Variants in LINGO2 observed in about 807,000 individuals in gnomAD.
The protein encoded by LINGO2 is leucine rich repeat and Ig domain containing 2, also known as leucine-rich repeat and immunoglobulin-like domain-containing nogo receptor-interacting protein 2.
Under a neutral mutation model 30.6 loss-of-function variants are expected in LINGO2, and 14 were observed. The ratio of observed to expected loss-of-function variants is 0.46; its 90% CI spans 0.30 to 0.72. The LOEUF (loss-of-function observed/expected upper bound fraction) is 0.72. Among genes scored for constraint, LINGO2 ranks in the 30% least tolerant of loss-of-function variants. The pLI, the probability that LINGO2 is intolerant of heterozygous loss-of-function variation, is 0.07. For synonymous variants in LINGO2, 317 were observed against 288.5 expected (o/e 1.10, Z -1.00); for missense variants, 729 against 751.7 (o/e 0.97, Z 0.35).
chr9:28,467,046 G>GGA (rs1554724268), intron 2 of LINGO2, among the ~76,000 whole-genome samples: 1 of 149,458 alleles, frequency 6.7e-6, no homozygotes, highest in Admixed American at 6.7e-5. Flanking sequence ...GGGGGGGGGG[G>GGA]ACGGAGTCTC....
intron 3 of LINGO2, among the ~76,000 whole-genome samples, chr9:28,363,206 GC>G (rs1820523589): frequency 6.6e-6 from 1 of 152,168 alleles, no homozygotes; most frequent in African/African-American, 2.4e-5. Context: ...TGGGATTCAA[GC>G]CCAGATTGTT....
the LINGO2 span, among the ~76,000 whole-genome samples, chr9:28,726,068 T>C: frequency 2.0e-5 from 3 of 152,142 alleles, no homozygotes; most frequent in Non-Finnish European, 2.9e-5. Context: ...ACTAGCATTT[T>C]CTAAGCTAAA....
At chr9:28,768,625 C>CAG in the LINGO2 span, among the ~76,000 whole-genome samples, 1 of 151,026 alleles carries the variant, frequency 6.6e-6, no homozygotes, top group Non-Finnish European at 1.5e-5. Flanking sequence ...CACACACACA[C>CAG]ACACACACAC....
the LINGO2 span, among the ~76,000 whole-genome samples, chr9:29,100,300 T>G: frequency 6.6e-6 from 1 of 152,072 alleles, no homozygotes; most frequent in South Asian, 2.1e-4. Context: ...GGGGGATGGT[T>G]AATAGCTACA....
intron 1 of LINGO2, among the ~76,000 whole-genome samples, chr9:28,606,597 T>G (rs1196165731): frequency 6.6e-6 from 1 of 152,086 alleles, no homozygotes; most frequent in Non-Finnish European, 1.5e-5. Flanking sequence ...TACAATCAAT[T>G]GACCTTAACT....
chr9:28,931,686 G>A, the LINGO2 span, among the ~76,000 whole-genome samples: 1 of 152,154 alleles, frequency 6.6e-6, no homozygotes, highest in Admixed American at 6.5e-5. Context: ...CTTAGGTTGA[G>A]GAAACATAGG....
At chr9:28,363,998 G>A (rs1175620593) in intron 3 of LINGO2, among the ~76,000 whole-genome samples, 2 of 151,186 alleles carry the variant, frequency 1.3e-5, no homozygotes, top group Admixed American at 6.6e-5. Context: ...AAAAGATGAT[G>A]TATTTTCTGT....
the LINGO2 span, among the ~76,000 whole-genome samples, chr9:29,191,518 T>C: frequency 6.6e-6 from 1 of 152,172 alleles, no homozygotes; most frequent in Non-Finnish European, 1.5e-5. Context: ...CTGTTCACTC[T>C]TGACTTAGTT....
In LINGO2 at chr9:27,995,953, G is replaced by A. The variant is rs186015267; in HGVS notation, c.-36+16402C>T. 6.3e-4 allele frequency among the ~76,000 whole-genome samples: 96 copies of A among 152,018 alleles called. 1 individual carries two copies. The highest frequency in any genetic ancestry group is 1.1e-3 in the Non-Finnish European group (76 of 67,966). On this transcript the variant is annotated intron_variant, in intron 5 of 5. Coordinates refer to ENST00000379992, the Ensembl canonical transcript of LINGO2. ...TGCAAATGATATGACCTTACATTTAGAAAAACTTAAAAACTTAAAAACTTC... is the reference window on the plus strand; with the variant it reads ...TGCAAATGATATGACCTTACATTTAAAAAAACTTAAAAACTTAAAAACTTC...
chr9:29,031,578 C>G, the LINGO2 span, among the ~76,000 whole-genome samples: 9 of 152,158 alleles, frequency 5.9e-5, no homozygotes, highest in South Asian at 1.9e-3. Flanking sequence ...CCACCGCACC[C>G]AGCTGGTGGT....
At chr9:28,314,461 C>T (rs1160897069) in intron 3 of LINGO2, among the ~76,000 whole-genome samples, 1 of 152,120 alleles carries the variant, frequency 6.6e-6, no homozygotes, top group African/African-American at 2.4e-5. Context: ...CACCTGTCTC[C>T]TGTTCCTTCT....
At chr9:28,239,569 T>A (rs1821703129) in intron 4 of LINGO2, among the ~76,000 whole-genome samples, 1 of 152,156 alleles carries the variant, frequency 6.6e-6, no homozygotes, top group Non-Finnish European at 1.5e-5. Flanking sequence ...GAAAAGCATT[T>A]GATAAAGTTC....
At chr9:28,696,979 G>A in the LINGO2 span, among the ~76,000 whole-genome samples, 3 of 151,746 alleles carry the variant, frequency 2.0e-5, no homozygotes, top group African/African-American at 7.3e-5. Flanking sequence ...TCCTCGAGTT[G>A]TTTTGTTTGT....
intron 2 of LINGO2, among the ~76,000 whole-genome samples, chr9:28,426,364 T>C (rs1341157861): frequency 2.6e-5 from 4 of 152,106 alleles, no homozygotes; most frequent in African/African-American, 9.7e-5. Context: ...ACTAATCTCA[T>C]ATATCTGAAA....
chr9:28,550,952 T>A (rs934651228), intron 1 of LINGO2, among the ~76,000 whole-genome samples: 6 of 151,788 alleles, frequency 4.0e-5, no homozygotes, highest in African/African-American at 1.2e-4. Flanking sequence ...CAGTAGTTAC[T>A]TATGAGAGAA....
chr9:28,330,968 A>G (rs1004013472), intron 3 of LINGO2, among the ~76,000 whole-genome samples: 1 of 152,122 alleles, frequency 6.6e-6, no homozygotes, highest in African/African-American at 2.4e-5. Flanking sequence ...TTCTAACTTT[A>G]TTTCTTAATG....
At chr9:28,597,233 T>C (rs569338509) in intron 1 of LINGO2, among the ~76,000 whole-genome samples, 1 of 152,242 alleles carries the variant, frequency 6.6e-6, no homozygotes, top group African/African-American at 2.4e-5. Context: ...CACAGCTTAA[T>C]AGAGAAAAAG....
At chr9:27,982,622 C>G (rs1279925812) in intron 5 of LINGO2, among the ~76,000 whole-genome samples, 1 of 151,852 alleles carries the variant, frequency 6.6e-6, no homozygotes, top group Non-Finnish European at 1.5e-5. Flanking sequence ...CCTTATTTAG[C>G]TCACACAGCT....
intron 3 of LINGO2, among the ~76,000 whole-genome samples, chr9:28,299,300 T>C (rs1443305869): frequency 1.3e-5 from 2 of 152,162 alleles, no homozygotes. Context: ...GAGAATATAA[T>C]AATCAAGAAT....
Sources: allele counts gnomAD v4.1 joint callset (sites outside exome capture counted in the v4.1 genomes callset), GRCh38; gene constraint gnomAD v4.1.1; transcripts MANE v1.5; gene names NCBI Gene and HGNC (gene_info 2026-07-23, HGNC 2026-07-21).